The following MCU variants were observed in gnomAD, a reference collection of about 807,000 sequenced individuals.
MCU encodes the protein mitochondrial calcium uniporter.
In MCU, 12 loss-of-function variants were observed where a neutral mutation model predicts 45.2. That is an observed-to-expected ratio of 0.27 (90% CI 0.17 to 0.43). The LOEUF (loss-of-function observed/expected upper bound fraction) is 0.43, where lower values mean the gene tolerates loss of function less well. MCU is among the 20% of genes least tolerant of loss of function. The pLI is 1.00. For synonymous variants in MCU, 160 were observed against 165.1 expected, an observed-to-expected ratio of 0.97 and a Z score of 0.24; for missense variants, 324 against 436.7, an observed-to-expected ratio of 0.74 and a Z score of 2.30.
intron 4 of MCU, among the ~76,000 whole-genome samples, chr10:72,867,267 A>G (rs1001835118): frequency 2.0e-5 from 3 of 152,042 alleles, no homozygotes; most frequent in Non-Finnish European, 4.4e-5. Context: ...TGTACCTAAC[A>G]TTTAAAGTTA....
chr10:72,884,214 T>C, intron 6 of MCU, 52 bp from the exon 7 acceptor site: 1 of 1,055,148 alleles, frequency 9.5e-7, no homozygotes, highest in South Asian at 1.3e-5. Flanking sequence ...AGTAAATATT[T>C]TGTGAAGATA....
At chr10:72,704,718 T>C (rs963862293) in intron 1 of MCU, among the ~76,000 whole-genome samples, 126 of 141,554 alleles carry the variant, frequency 8.9e-4, no homozygotes, top group Non-Finnish European at 1.4e-3. Context: ...TTTTTTTTTT[T>C]TTTTTTTTTT....
intron 2 of MCU, among the ~76,000 whole-genome samples, chr10:72,843,507 A>G (rs564830483): frequency 1.3e-5 from 2 of 152,190 alleles, no homozygotes; most frequent in Admixed American, 1.3e-4. Context: ...TTTAGCACTG[A>G]ATAATAGTCT....
intron 1 of MCU, among the ~76,000 whole-genome samples, chr10:72,778,887 C>A (rs1336944615): frequency 6.6e-6 from 1 of 152,082 alleles, no homozygotes; most frequent in East Asian, 1.9e-4. Context: ...AAAAAACTTA[C>A]TGCAAAGCAA....
chr10:72,751,965 G>A (rs1256689036), intron 1 of MCU, among the ~76,000 whole-genome samples: 1 of 151,334 alleles, frequency 6.6e-6, no homozygotes, highest in Non-Finnish European at 1.5e-5. Flanking sequence ...TCAGCATCCC[G>A]AGTAGCTAGG....
intron 1 of MCU, among the ~76,000 whole-genome samples, chr10:72,693,321 T>C (rs1288024675): frequency 2.0e-5 from 3 of 152,178 alleles, no homozygotes; most frequent in Non-Finnish European, 4.4e-5. Context: ...TCTAGACCTA[T>C]ATGTGTTGGT....
At chr10:72,846,125 C>T (rs1845118619) in intron 2 of MCU, among the ~76,000 whole-genome samples, 1 of 152,116 alleles carries the variant, frequency 6.6e-6, no homozygotes, top group Non-Finnish European at 1.5e-5. Flanking sequence ...TCACTGCAAC[C>T]TCTGCCTCCC....
intron 1 of MCU, among the ~76,000 whole-genome samples, chr10:72,729,008 G>T (rs569391507): frequency 4.4e-4 from 67 of 152,276 alleles, no homozygotes; most frequent in African/African-American, 1.6e-3. Flanking sequence ...GCCTTGAAAA[G>T]AATTGCTTCT....
intron 1 of MCU, chr10:72,715,927 G>A (rs910372970): frequency 1.0e-6 from 1 of 980,516 alleles, no homozygotes; most frequent in Non-Finnish European, 1.2e-6. Flanking sequence ...TGATTCATAA[G>A]CATTTTCTCC....
chr10:72,859,664 C>T (rs1043671984), intron 3 of MCU, among the ~76,000 whole-genome samples: 3 of 151,960 alleles, frequency 2.0e-5, no homozygotes, highest in Non-Finnish European at 4.4e-5. Context: ...TCATTACTTT[C>T]GGTGTAGAAT....
intron 4 of MCU, chr10:72,861,629 G>A (rs776551688): frequency 1.6e-5 from 6 of 367,648 alleles, no homozygotes; most frequent in Non-Finnish European, 2.6e-5. Flanking sequence ...TTACAGGCAT[G>A]AGCCACTATG....
intron 1 of MCU, among the ~76,000 whole-genome samples, chr10:72,773,167 G>A (rs1456094854): frequency 1.3e-5 from 2 of 152,146 alleles, no homozygotes; most frequent in Non-Finnish European, 2.9e-5. Flanking sequence ...AAAGTGCTGG[G>A]ATTATAGGCA....
intron 6 of MCU, among the ~76,000 whole-genome samples, chr10:72,880,291 A>C (rs1252370306): frequency 6.6e-6 from 1 of 152,232 alleles, no homozygotes; most frequent in Non-Finnish European, 1.5e-5. Flanking sequence ...AAAATACAGA[A>C]GAAATGTACA....
chr10:72,692,739 G>A, intron 1 of MCU: 1 of 1,318,622 alleles, frequency 7.6e-7, no homozygotes, highest in Admixed American at 3.4e-5. Context: ...CCTTGTGTGT[G>A]CCAGGAGAGT....
rs899039687 is a variant in MCU, at chr10:72,829,626, A to C, written c.151-4733A>C. Reference sequence around the variant, plus strand: ...GAAAGTAAAGGGTAAAAAAAAAAAAACCTAAACAGTAAAGGAAAAAAACTT... The same window carrying C: ...GAAAGTAAAGGGTAAAAAAAAAAAACCCTAAACAGTAAAGGAAAAAAACTT... On this transcript the variant is annotated intron_variant, in intron 1 of 7. Transcript: ENST00000373053. Among the ~76,000 whole-genome samples the C allele has an allele frequency of 2.2e-4, 32 of 148,826 alleles. 1 individual carries two copies. The highest frequency in any genetic ancestry group is 4.6e-4 in the African/African-American group (19 of 41,228).
chr10:72,806,637 G>T (rs1324701814), intron 1 of MCU, among the ~76,000 whole-genome samples: 1 of 152,096 alleles, frequency 6.6e-6, no homozygotes, highest in African/African-American at 2.4e-5. Context: ...CGGGGAAGAG[G>T]GTGGGAACAA....
intron 1 of MCU, among the ~76,000 whole-genome samples, chr10:72,779,738 T>C (rs1252554752): frequency 6.6e-6 from 1 of 152,198 alleles, no homozygotes; most frequent in Non-Finnish European, 1.5e-5. Flanking sequence ...AATACCACTT[T>C]ATACACACTG....
At chr10:72,792,900 A>C (rs1465631870) in intron 1 of MCU, among the ~76,000 whole-genome samples, 1 of 150,554 alleles carries the variant, frequency 6.6e-6, no homozygotes, top group African/African-American at 2.5e-5. Flanking sequence ...TTAAATTGAG[A>C]TGGAGTCTCA....
intron 1 of MCU, among the ~76,000 whole-genome samples, chr10:72,694,076 C>G (rs940393896): frequency 6.6e-6 from 1 of 152,124 alleles, no homozygotes; most frequent in Admixed American, 6.5e-5. Flanking sequence ...AAATGAAGTG[C>G]TGAATTTGTA....
Sources: gnomAD v4.1 joint callset for allele counts (sites outside exome capture counted in the v4.1 genomes callset) on GRCh38, gnomAD v4.1.1 for gene constraint, MANE v1.5 for transcripts, NCBI Gene and HGNC (gene_info 2026-07-23, HGNC 2026-07-21) for gene names.